FAF1: variants seen among roughly 807,000 people sequenced by gnomAD.
FAF1 encodes Fas associated factor 1, also known as FAS-associated factor 1.
Under a neutral mutation model 92.5 loss-of-function variants are expected in FAF1, and 25 were observed. The ratio of observed to expected loss-of-function variants is 0.27; its 90% CI spans 0.20 to 0.38. FAF1 has a LOEUF of 0.38. Ranked by LOEUF, FAF1 falls within the 10% of genes least tolerant of loss-of-function variation. FAF1 has a pLI of 1.00. For missense variants in FAF1, 636 were observed against 793.3 expected (o/e 0.80, Z 2.38); for synonymous variants, 234 against 273.2 (o/e 0.86, Z 1.42).
At chr1:50,948,981 T>C (rs1645193334) in intron 1 of FAF1, among the ~76,000 whole-genome samples, 1 of 152,142 alleles carries the variant, frequency 6.6e-6, no homozygotes, top group African/African-American at 2.4e-5. Flanking sequence ...CACATTTCAA[T>C]ATAAGATTTG....
intron 7 of FAF1, among the ~76,000 whole-genome samples, chr1:50,661,891 T>G (rs1655394290): frequency 6.6e-6 from 1 of 152,192 alleles, no homozygotes; most frequent in African/African-American, 2.4e-5. Flanking sequence ...TGTATACACG[T>G]TGCAGTTGCA....
intron 2 of FAF1, among the ~76,000 whole-genome samples, chr1:50,841,762 T>C (rs1042593501): frequency 1.3e-5 from 2 of 152,058 alleles, no homozygotes; most frequent in African/African-American, 2.4e-5. Context: ...AAAATTTTTT[T>C]TAAGTTATTA....
chr1:50,560,324 T>A (rs1304772855), intron 13 of FAF1, among the ~76,000 whole-genome samples: 1 of 152,232 alleles, frequency 6.6e-6, no homozygotes, highest in Non-Finnish European at 1.5e-5. Flanking sequence ...ACTTGAATAT[T>A]AAGCCTAACA....
chr1:50,890,369 T>A (rs1644708567), intron 1 of FAF1, among the ~76,000 whole-genome samples: 1 of 152,168 alleles, frequency 6.6e-6, no homozygotes, highest in Non-Finnish European at 1.5e-5. Context: ...ACATTTAAGG[T>A]TAATATTGTT....
At chr1:50,765,161 G>T (rs1660515701) in intron 4 of FAF1, among the ~76,000 whole-genome samples, 1 of 152,148 alleles carries the variant, frequency 6.6e-6, no homozygotes. Flanking sequence ...ACCTAAGTAA[G>T]CAATAATTCC....
At chr1:50,859,885 G>T (rs143683037) in intron 1 of FAF1, among the ~76,000 whole-genome samples, 2 of 151,850 alleles carry the variant, frequency 1.3e-5, no homozygotes, top group African/African-American at 2.4e-5. Context: ...GCATGGAATC[G>T]ATACAAAAAC....
intron 15 of FAF1, among the ~76,000 whole-genome samples, chr1:50,530,619 A>C (rs1361870178): frequency 6.6e-6 from 1 of 152,174 alleles, no homozygotes; most frequent in East Asian, 1.9e-4. Context: ...TGTATATTTT[A>C]AAATAACTTA....
intron 7 of FAF1, among the ~76,000 whole-genome samples, chr1:50,669,282 G>A (rs1423097600): frequency 6.6e-6 from 1 of 151,964 alleles, no homozygotes; most frequent in Admixed American, 6.6e-5. Context: ...TCTAACTATG[G>A]AGGCTTCCAT....
chr1:50,730,035 A>C (rs554622248), intron 6 of FAF1, among the ~76,000 whole-genome samples: 13 of 152,210 alleles, frequency 8.5e-5, no homozygotes, highest in African/African-American at 2.9e-4. Flanking sequence ...TAAAAAAAAC[A>C]GATTGTGATA....
At chr1:50,735,824 C>G (rs1405610857) in intron 6 of FAF1, among the ~76,000 whole-genome samples, 4 of 152,138 alleles carry the variant, frequency 2.6e-5, no homozygotes, top group African/African-American at 7.2e-5. Flanking sequence ...TCGAGCAATT[C>G]TCCTGCCTCA....
chr1:50,549,334 G>A (rs1312800191), intron 13 of FAF1, among the ~76,000 whole-genome samples: 2 of 151,978 alleles, frequency 1.3e-5, no homozygotes, highest in Non-Finnish European at 2.9e-5. Context: ...AAAGGGGTGG[G>A]GTCTCACTCT....
At chr1:50,667,191 A>C (rs982224026) in intron 7 of FAF1, among the ~76,000 whole-genome samples, 3 of 152,232 alleles carry the variant, frequency 2.0e-5, no homozygotes, top group African/African-American at 7.2e-5. Flanking sequence ...AAAAAGGAGA[A>C]GAGCATATAA....
At chr1:50,788,359 T>C (rs932593428) in intron 3 of FAF1, among the ~76,000 whole-genome samples, 154 bp from the exon 4 acceptor site, 3 of 152,234 alleles carry the variant, frequency 2.0e-5, no homozygotes, top group Non-Finnish European at 4.4e-5. Context: ...ACTTCCTCCA[T>C]AAAATCTTTC....
At chr1:50,934,707 C>T (rs1183767147) in intron 1 of FAF1, among the ~76,000 whole-genome samples, 1 of 152,090 alleles carries the variant, frequency 6.6e-6, no homozygotes, top group African/African-American at 2.4e-5. Context: ...CTGGGTGACA[C>T]AGTGAGTTTC....
At chr1:50,865,543 A>G (rs1644473409) in intron 1 of FAF1, among the ~76,000 whole-genome samples, 1 of 137,250 alleles carries the variant, frequency 7.3e-6, no homozygotes, top group African/African-American at 2.7e-5. Flanking sequence ...TTGTAGGGAC[A>G]TGGACGAAAT....
chr1:50,930,000 C>T (rs774758032), intron 1 of FAF1, among the ~76,000 whole-genome samples: 15 of 152,074 alleles, frequency 9.9e-5, no homozygotes, highest in Non-Finnish European at 2.1e-4. Flanking sequence ...GATGCAAATA[C>T]CTTCTTTTTT....
intron 18 of FAF1, among the ~76,000 whole-genome samples, chr1:50,465,348 C>A (rs1001236270): frequency 6.6e-6 from 1 of 152,144 alleles, no homozygotes; most frequent in African/African-American, 2.4e-5. Flanking sequence ...TACATGATAC[C>A]TGTAAAGTTC....
chr1:50,523,708 T>C (rs1647630675), intron 15 of FAF1, among the ~76,000 whole-genome samples: 3 of 152,206 alleles, frequency 2.0e-5, no homozygotes, highest in Admixed American at 1.3e-4. Flanking sequence ...TTTTCTTCCA[T>C]TCTGTGGGTT....
intron 4 of FAF1, among the ~76,000 whole-genome samples, chr1:50,746,437 G>A (rs1211130092): frequency 6.7e-6 from 1 of 149,468 alleles, no homozygotes; most frequent in Non-Finnish European, 1.5e-5. Context: ...CCAAGTAGCT[G>A]GGATTACAGG....
Sources: allele counts gnomAD v4.1 joint callset (sites outside exome capture counted in the v4.1 genomes callset), GRCh38; gene constraint gnomAD v4.1.1; transcripts MANE v1.5; gene names NCBI Gene and HGNC (gene_info 2026-07-23, HGNC 2026-07-21).